FAM163B: variants seen among roughly 807,000 people sequenced by gnomAD.
The protein encoded by FAM163B is protein FAM163B.
In FAM163B, 4 loss-of-function variants were observed where a neutral mutation model predicts 7.6. The ratio of observed to expected loss-of-function variants is 0.52; its 90% CI spans 0.26 to 1.20. The LOEUF (loss-of-function observed/expected upper bound fraction) is 1.20. Ranked by LOEUF, FAM163B falls within the 50% of genes most tolerant of loss-of-function variation. The pLI is 0.14. For missense variants in FAM163B, 250 were observed against 243.0 expected (o/e 1.03, Z -0.19); for synonymous variants, 120 against 111.6 (o/e 1.07, Z -0.47).
intron 1 of FAM163B, among the ~76,000 whole-genome samples, chr9:133,598,725 A>C (rs568417103): frequency 2.0e-5 from 3 of 152,268 alleles, no homozygotes; most frequent in Middle Eastern, 3.4e-3. Context: ...TTTTGGGTCT[A>C]TATCTCCCCA....
chr9:133,582,785 G>T (rs1157745505), intron 1 of FAM163B, among the ~76,000 whole-genome samples: 1 of 152,254 alleles, frequency 6.6e-6, no homozygotes. Context: ...GACACTGGCC[G>T]GTCCCTGCTG....
At position 133,580,161 on chromosome 9, in the gene FAM163B, G is replaced by A. The variant is rs1831334688; in HGVS notation, c.63C>T (p.Ile21=). Reference sequence around the variant, plus strand: ...GCCGGCAGTAGCACAGAACAGCGATGATGCAGAGCAAAATCACAGTCGCCA... The same window carrying A: ...GCCGGCAGTAGCACAGAACAGCGATAATGCAGAGCAAAATCACAGTCGCCA... ...GILATVILLC[I]IAVLCYCRLQ... The change falls in exon 2 of 3, where the codon ATC becomes ATT. Residue 21 remains isoleucine (I), a synonymous_variant. Coordinates refer to ENST00000673969, the MANE Select transcript of FAM163B (RefSeq NM_001080515.3). 1.2e-6 allele frequency: 2 copies of A among 1,613,020 alleles called. No individual in the cohort carries two copies. Among genetic ancestry groups the A allele is most frequent in the South Asian group, 1.1e-5 (1 of 91,090 alleles).
chr9:133,608,851 C>G (rs377702734), intron 1 of FAM163B, among the ~76,000 whole-genome samples: 1 of 152,362 alleles, frequency 6.6e-6, no homozygotes, highest in East Asian at 1.9e-4. Context: ...TCCCCCACCT[C>G]TCCCTTAGGC....
intron 2 of FAM163B, 48 bp downstream of exon 2, chr9:133,580,083 C>G (rs991563052): frequency 2.6e-6 from 4 of 1,537,756 alleles, no homozygotes; most frequent in Non-Finnish European, 3.6e-6. Context: ...GGTAGGGGCA[C>G]CCTCTGGGCC....
At chr9:133,607,940 A>T (rs1239011130) in intron 1 of FAM163B, among the ~76,000 whole-genome samples, 1 of 152,222 alleles carries the variant, frequency 6.6e-6, no homozygotes, top group Non-Finnish European at 1.5e-5. Context: ...TCAGGTGGGT[A>T]GAGCCCTGGT....
intron 1 of FAM163B, among the ~76,000 whole-genome samples, chr9:133,581,419 T>C (rs915488273): frequency 6.6e-6 from 1 of 152,054 alleles, no homozygotes; most frequent in Non-Finnish European, 1.5e-5. Flanking sequence ...GAGATTGGAG[T>C]ATTTTAAAGG....
At chr9:133,590,059 TCCCTTCCCCTTCCCTTCCCCTTC>T (rs1831516370) in intron 1 of FAM163B, among the ~76,000 whole-genome samples, 2 of 23,264 alleles carry the variant, frequency 8.6e-5, no homozygotes, top group South Asian at 1.7e-3. Flanking sequence ...TCCCTTCCCT[TCCCTTCCCCTTCCCTTCCCCTTC>T]CCCTTCCCTT....
chr9:133,599,731 G>GCA (rs1831686595), intron 1 of FAM163B, among the ~76,000 whole-genome samples: 1 of 150,792 alleles, frequency 6.6e-6, no homozygotes, highest in Non-Finnish European at 1.5e-5. Context: ...ATGTGTGTCT[G>GCA]TGTGCATGTG....
rs990064680 is a variant in FAM163B, at chr9:133,606,430, C to G, written c.-24+2647G>C. 1.3e-5 allele frequency among the ~76,000 whole-genome samples: 2 copies of G among 152,238 alleles called. No individual in the cohort carries two copies. Among genetic ancestry groups the G allele is most frequent in the African/African-American group, 4.8e-5 (2 of 41,462 alleles). On this transcript the variant is annotated intron_variant, in intron 1 of 2. Transcript: ENST00000673969. This position sits in a 1 kb window ranked among gnomAD's most constrained non-coding sequence, Gnocchi z 4.0. ...GAAGTACCAGTGCCAAGTGTGGCAGCAGCTGGCAGAGAAGCCCCCCAGCCC... is the reference window on the plus strand; with the variant it reads ...GAAGTACCAGTGCCAAGTGTGGCAGGAGCTGGCAGAGAAGCCCCCCAGCCC...
At chr9:133,592,109 C>T (rs1252447299) in intron 1 of FAM163B, among the ~76,000 whole-genome samples, 4 of 152,164 alleles carry the variant, frequency 2.6e-5, no homozygotes, top group African/African-American at 7.2e-5. Flanking sequence ...ACTGTGACCT[C>T]GTGTCCAGCT....
chr9:133,590,059 TCCCTTC>T (rs759489285), intron 1 of FAM163B, among the ~76,000 whole-genome samples: 7,550 of 23,216 alleles, frequency 0.33, 1,433 homozygotes, highest in South Asian at 0.54. Context: ...TCCCTTCCCT[TCCCTTC>T]CCCTTCCCTT....
At chr9:133,581,663 G>T (rs1831358615) in intron 1 of FAM163B, among the ~76,000 whole-genome samples, 1 of 152,194 alleles carries the variant, frequency 6.6e-6, no homozygotes, top group Admixed American at 6.5e-5. Flanking sequence ...GGAGAAACTG[G>T]GTTGTTTATC....
intron 1 of FAM163B, among the ~76,000 whole-genome samples, chr9:133,584,286 C>T (rs1313295141): frequency 9.9e-5 from 15 of 152,166 alleles, no homozygotes; most frequent in African/African-American, 3.6e-4. Flanking sequence ...AGCTGTGGCC[C>T]AGGTGATACG....
rs1161130362 is a variant in FAM163B at position 133,609,325 on chromosome 9, C to A, written c.-272G>T. 6.7e-6 allele frequency among the ~76,000 whole-genome samples: 1 copy of A among 149,646 alleles called. No individual in the cohort carries two copies. The highest frequency in any genetic ancestry group is 1.5e-5 in the Non-Finnish European group (1 of 67,074). On this transcript the variant is annotated 5_prime_UTR_variant, in exon 1 of 3. Transcript: ENST00000673969. ...GCGCTGCGGCCGCGACTCCGGACGC[C>A]CCGGCTGGCTCCCTGCGAGCTGCAC...
intron 1 of FAM163B, among the ~76,000 whole-genome samples, chr9:133,590,920 G>GT (rs753195404): frequency 5.9e-5 from 9 of 152,266 alleles, no homozygotes; most frequent in Non-Finnish European, 1.3e-4. Context: ...ATTGCCCTTT[G>GT]TGAAGGAAGC....
In FAM163B at chr9:133,601,190, G is replaced by T. The variant is rs1831724779; in HGVS notation, c.-24+7887C>A. 6.6e-6 allele frequency among the ~76,000 whole-genome samples: 1 copy of T among 152,140 alleles called. No individual in the cohort carries two copies. The highest frequency in any genetic ancestry group is 6.5e-5 in the Admixed American group (1 of 15,280). On this transcript the variant is annotated intron_variant, in intron 1 of 2. Transcript: ENST00000673969. The surrounding 1 kb of genome is among the most constrained non-coding windows in gnomAD (Gnocchi z 4.1). ...CACAGGGGTTACAAAGATCCACTGG[G>T]CCCCCTTCCTGAGCCTCTGAGCTCT... is the stretch of plus-strand genomic sequence containing the variant.
rs1184339739 is a variant in FAM163B, at chr9:133,580,157, C to T, written c.67G>A (p.Ala23Thr). ...TGGAGCCGGCAGTAGCACAGAACAG[C>T]GATGATGCAGAGCAAAATCACAGTC... Reference protein sequence around the residue: ...LATVILLCIIAVLCYCRLQYY... With the variant: ...LATVILLCIITVLCYCRLQYY... The change falls in exon 2 of 3, where the codon GCT becomes ACT. Residue 23 changes from alanine (A) to threonine (T), a missense_variant. Ala to Thr is a moderately conservative substitution (Grantham distance 58, BLOSUM62 0). Coordinates refer to ENST00000673969, the MANE Select transcript of FAM163B (RefSeq NM_001080515.3). The T allele has an allele frequency of 5.6e-6, 9 of 1,612,780 alleles. No homozygotes were observed. Among genetic ancestry groups the T allele is most frequent in the Admixed American group, 3.3e-5 (2 of 60,000 alleles).
intron 1 of FAM163B, among the ~76,000 whole-genome samples, chr9:133,587,764 G>T (rs932035252): frequency 2.0e-5 from 3 of 152,036 alleles, no homozygotes; most frequent in Non-Finnish European, 4.4e-5. Context: ...AGCTTTGGGT[G>T]GTCTGAGGGA....
At chr9:133,582,744 C>A (rs1402488386) in intron 1 of FAM163B, among the ~76,000 whole-genome samples, 2 of 152,230 alleles carry the variant, frequency 1.3e-5, no homozygotes, top group African/African-American at 2.4e-5. Flanking sequence ...GCCAGCCGGC[C>A]TCTCTCCTGG....
Sources: allele counts gnomAD v4.1 joint callset (sites outside exome capture counted in the v4.1 genomes callset), GRCh38; gene constraint gnomAD v4.1.1; non-coding constraint Gnocchi (gnomAD v3.1); transcripts MANE v1.5; gene names NCBI Gene and HGNC (gene_info 2026-07-23, HGNC 2026-07-21).